SPSB4: variants seen among roughly 807,000 people sequenced by gnomAD.
The protein encoded by SPSB4 is splA/ryanodine receptor domain and SOCS box containing 4, also known as SPRY domain-containing SOCS box protein 4.
SPSB4 carries 21 observed loss-of-function variants against 20.9 expected under a neutral mutation model. The observed-to-expected ratio is 1.01, with a 90% CI of 0.71 to 1.45. The LOEUF is 1.45. Among genes scored for constraint, SPSB4 ranks in the 40% most tolerant of loss-of-function variants. SPSB4 has a pLI of 0.00. For synonymous variants in SPSB4, 207 were observed against 183.8 expected (o/e 1.13, Z -1.02); for missense variants, 399 against 399.2 (o/e 1.00, Z 0.00).
chr3:141,141,395 G>A lies in SPSB4; in HGVS notation c.695-5747G>A, dbSNP rs368893115. Among the ~76,000 whole-genome samples, 13 of 152,206 alleles carry A rather than the reference G, an allele frequency of 8.5e-5. No homozygotes were observed. The East Asian group carries it at 9.6e-4, about 11-fold the overall frequency. Reference sequence around the variant, plus strand: ...TGAACCCGGTACCTCAGTTGGAAATGCAGAAATCACCCATCTTCTGCATCG... The same window carrying A: ...TGAACCCGGTACCTCAGTTGGAAATACAGAAATCACCCATCTTCTGCATCG... On this transcript the variant is annotated intron_variant, in intron 2 of 2. Coordinates refer to ENST00000310546, the MANE Select transcript of SPSB4 (RefSeq NM_080862.3).
chr3:141,068,537 A>G (rs994376024), intron 2 of SPSB4, among the ~76,000 whole-genome samples: 1 of 152,198 alleles, frequency 6.6e-6, no homozygotes, highest in Non-Finnish European at 1.5e-5. Context: ...CTGGAGTCTG[A>G]TGTGACTTAT....
At chr3:141,087,120 A>G (rs1278454138) in intron 2 of SPSB4, among the ~76,000 whole-genome samples, 4 of 152,334 alleles carry the variant, frequency 2.6e-5, no homozygotes, top group Middle Eastern at 3.4e-3. Context: ...CCAGATTTGC[A>G]TGCAGGACCC....
intron 1 of SPSB4, among the ~76,000 whole-genome samples, chr3:141,060,402 C>G (rs930534828): frequency 6.6e-6 from 1 of 152,090 alleles, no homozygotes; most frequent in Non-Finnish European, 1.5e-5. Context: ...GTGGAGAGGG[C>G]ATTATTCTAA....
chr3:141,067,489 C>T (rs1205362477), intron 2 of SPSB4, among the ~76,000 whole-genome samples: 1 of 152,220 alleles, frequency 6.6e-6, no homozygotes, highest in Non-Finnish European at 1.5e-5. Flanking sequence ...TTAAAGTTGA[C>T]AGCTGCTGAA....
intron 2 of SPSB4, among the ~76,000 whole-genome samples, chr3:141,104,404 CTG>C (rs938983004): frequency 4.6e-5 from 7 of 152,188 alleles, no homozygotes; most frequent in Non-Finnish European, 7.3e-5. Context: ...TGGGGCCAGA[CTG>C]TGACCTGGAC....
At chr3:141,136,580 C>A (rs1448068023) in intron 2 of SPSB4, among the ~76,000 whole-genome samples, 1 of 152,164 alleles carries the variant, frequency 6.6e-6, no homozygotes, top group East Asian at 1.9e-4. Context: ...TTCCCAGCAC[C>A]ATTGATTAAA....
chr3:141,095,413 G>A (rs1298170233), intron 2 of SPSB4, among the ~76,000 whole-genome samples: 1 of 152,086 alleles, frequency 6.6e-6, no homozygotes, highest in African/African-American at 2.4e-5. Flanking sequence ...GTCCTGGGGC[G>A]CAGAACAGAC....
At chr3:141,112,600 C>T (rs1000239204) in intron 2 of SPSB4, among the ~76,000 whole-genome samples, 1 of 141,902 alleles carries the variant, frequency 7.0e-6, no homozygotes, top group South Asian at 2.3e-4. Flanking sequence ...AGCCGAGATC[C>T]CGCCACTGCA....
At chr3:141,112,806 A>G (rs987175614) in intron 2 of SPSB4, among the ~76,000 whole-genome samples, 1 of 152,076 alleles carries the variant, frequency 6.6e-6, no homozygotes, top group Non-Finnish European at 1.5e-5. Flanking sequence ...CAGGCAAGGC[A>G]TGGGGCAGCA....
chr3:141,101,609 T>C (rs949838992), intron 2 of SPSB4, among the ~76,000 whole-genome samples: 6 of 152,292 alleles, frequency 3.9e-5, no homozygotes, highest in Admixed American at 1.3e-4. Flanking sequence ...GATTAAATAA[T>C]AGAATGGGTA....
chr3:141,097,580 C>T (rs1401788900), intron 2 of SPSB4, among the ~76,000 whole-genome samples: 3 of 152,064 alleles, frequency 2.0e-5, no homozygotes, highest in Non-Finnish European at 4.4e-5. Flanking sequence ...TATTCTTGAT[C>T]CTCTCTGAGA....
chr3:141,122,651 G>A (rs771527757), intron 2 of SPSB4, among the ~76,000 whole-genome samples: 20 of 152,178 alleles, frequency 1.3e-4, no homozygotes, highest in Non-Finnish European at 2.8e-4. Context: ...CAGCAATGGC[G>A]GACAACCCTC....
At chr3:141,069,025 G>A (rs574794005) in intron 2 of SPSB4, among the ~76,000 whole-genome samples, 20 of 152,292 alleles carry the variant, frequency 1.3e-4, no homozygotes, top group African/African-American at 4.6e-4. Context: ...GATTTTTCAG[G>A]TTGGCTGAAT....
intron 2 of SPSB4, among the ~76,000 whole-genome samples, chr3:141,070,217 A>C (rs548218493): frequency 5.5e-4 from 84 of 152,272 alleles, no homozygotes; most frequent in Admixed American, 3.2e-3. Context: ...TAATAATAAT[A>C]ATAATAGCAA....
intron 2 of SPSB4, among the ~76,000 whole-genome samples, chr3:141,087,576 T>C (rs1938369167): frequency 6.6e-6 from 1 of 152,186 alleles, no homozygotes; most frequent in Non-Finnish European, 1.5e-5. Flanking sequence ...TCTCATTTGA[T>C]CCTTAAATAG....
chr3:141,100,346 A>T (rs551524082), intron 2 of SPSB4, among the ~76,000 whole-genome samples: 41 of 152,272 alleles, frequency 2.7e-4, no homozygotes, highest in African/African-American at 8.2e-4. Context: ...TGTGACTGGT[A>T]TCCTTATGGA....
At chr3:141,097,910 T>G (rs1938568922) in intron 2 of SPSB4, among the ~76,000 whole-genome samples, 1 of 152,212 alleles carries the variant, frequency 6.6e-6, no homozygotes, top group African/African-American at 2.4e-5. Flanking sequence ...GAGTTCCTAG[T>G]CTGAGCAGTT....
chr3:141,070,782 G>A (rs755748293), intron 2 of SPSB4, among the ~76,000 whole-genome samples: 10 of 152,228 alleles, frequency 6.6e-5, no homozygotes, highest in Non-Finnish European at 1.2e-4. Context: ...GGCACAGAGA[G>A]CTTGAGTAAG....
At chr3:141,071,118 A>G (rs1216799925) in intron 2 of SPSB4, among the ~76,000 whole-genome samples, 1 of 152,252 alleles carries the variant, frequency 6.6e-6, no homozygotes, top group Non-Finnish European at 1.5e-5. Context: ...GTGGCCATGG[A>G]TCAGGCATGC....
Sources: allele counts gnomAD v4.1 joint callset (sites outside exome capture counted in the v4.1 genomes callset), GRCh38; gene constraint gnomAD v4.1.1; transcripts MANE v1.5; gene names NCBI Gene and HGNC (gene_info 2026-07-23, HGNC 2026-07-21).